The following RBFOX1 variants were observed in gnomAD, a reference collection of about 807,000 sequenced individuals.
RBFOX1 encodes RNA binding fox-1 homolog 1, also known as RNA binding protein fox-1 homolog 1.
RBFOX1 carries 8 observed loss-of-function variants against 57.7 expected under a neutral mutation model. The observed-to-expected ratio is 0.14, with a 90% CI of 0.08 to 0.25. The LOEUF (loss-of-function observed/expected upper bound fraction) is 0.25, where lower values mean the gene tolerates loss of function less well. Ranked by LOEUF, RBFOX1 falls within the 10% of genes least tolerant of loss-of-function variation. The pLI is 1.00. For missense variants in RBFOX1, 611 were observed against 548.5 expected (o/e 1.11, Z -1.14); for synonymous variants, 326 against 222.4 (o/e 1.47, Z -4.15).
At chr16:5,421,603 A>G (rs981001460) in intron 1 of RBFOX1, among the ~76,000 whole-genome samples, 2 of 152,084 alleles carry the variant, frequency 1.3e-5, no homozygotes, top group African/African-American at 4.8e-5. Context: ...CCAAGAAGAA[A>G]ATCAATCACC....
intron 3 of RBFOX1, among the ~76,000 whole-genome samples, chr16:6,780,755 C>A (rs1402581300): frequency 6.6e-6 from 1 of 151,380 alleles, no homozygotes; most frequent in Non-Finnish European, 1.5e-5. Flanking sequence ...TGACGTTGAG[C>A]ATTTTTCCGC....
chr16:7,380,227 G>C (rs948743716), intron 4 of RBFOX1, among the ~76,000 whole-genome samples: 6 of 152,088 alleles, frequency 3.9e-5, no homozygotes, highest in African/African-American at 1.4e-4. Flanking sequence ...AGTCAGAAAT[G>C]CTCAGAGTTT....
chr16:6,174,062 T>C (rs1409271671), intron 1 of RBFOX1, among the ~76,000 whole-genome samples: 1 of 152,200 alleles, frequency 6.6e-6, no homozygotes, highest in Non-Finnish European at 1.5e-5. Flanking sequence ...TATACTTTTT[T>C]ATTCCCTTGA....
intron 5 of RBFOX1, among the ~76,000 whole-genome samples, chr16:7,540,635 G>A (rs2082668954): frequency 1.3e-5 from 2 of 152,128 alleles, no homozygotes; most frequent in Non-Finnish European, 2.9e-5. Flanking sequence ...AAAGATGTCC[G>A]TAAACCTGCT....
intron 4 of RBFOX1, among the ~76,000 whole-genome samples, chr16:7,271,960 C>G (rs1162296811): frequency 6.6e-6 from 1 of 152,148 alleles, no homozygotes; most frequent in Non-Finnish European, 1.5e-5. Flanking sequence ...TCTGTGGTAT[C>G]ACCACCTATT....
intron 1 of RBFOX1, among the ~76,000 whole-genome samples, chr16:5,284,736 G>T (rs1021786656): frequency 9.9e-6 from 1 of 100,612 alleles, no homozygotes; most frequent in African/African-American, 3.7e-5. Flanking sequence ...GCTTTGCTGG[G>T]TATAGTAGTT....
chr16:6,133,963 G>T (rs1364213995), intron 1 of RBFOX1, among the ~76,000 whole-genome samples: 2 of 150,970 alleles, frequency 1.3e-5, no homozygotes, highest in East Asian at 1.9e-4. Flanking sequence ...TGGAATTGGA[G>T]TCTCATTCTG....
At chr16:7,335,017 C>T (rs55914813) in intron 4 of RBFOX1, among the ~76,000 whole-genome samples, 10,714 of 152,268 alleles carry the variant, frequency 0.07, 468 homozygotes, top group South Asian at 0.13. Flanking sequence ...GGAAAGCTAA[C>T]ACACAGAGAG....
chr16:6,976,763 TA>T (rs200279327), intron 3 of RBFOX1, among the ~76,000 whole-genome samples: 5,253 of 136,230 alleles, frequency 0.039, 291 homozygotes, highest in African/African-American at 0.13. Flanking sequence ...CATACATATA[TA>T]TCGTATGACA....
chr16:5,725,385 A>T (rs975636442), intron 3 of RBFOX1, among the ~76,000 whole-genome samples: 1 of 152,096 alleles, frequency 6.6e-6, no homozygotes, highest in African/African-American at 2.4e-5. Context: ...CTGGAACTAC[A>T]GGCATGCACC....
intron 3 of RBFOX1, among the ~76,000 whole-genome samples, chr16:6,932,399 G>T (rs1003257701): frequency 3.3e-5 from 5 of 152,034 alleles, no homozygotes; most frequent in African/African-American, 9.7e-5. Context: ...GAGCCACCAT[G>T]CCCAGCCCAG....
chr16:7,388,210 T>G (rs1037999950), intron 4 of RBFOX1, among the ~76,000 whole-genome samples: 1 of 152,164 alleles, frequency 6.6e-6, no homozygotes, highest in Admixed American at 6.5e-5. Flanking sequence ...CTTGGCAGAG[T>G]TCTACAGACA....
intron 3 of RBFOX1, among the ~76,000 whole-genome samples, chr16:6,766,890 C>G (rs370244773): frequency 1.3e-5 from 2 of 152,034 alleles, no homozygotes; most frequent in African/African-American, 4.8e-5. Context: ...TAAAAAGATA[C>G]TCAGTCTGAG....
chr16:5,918,908 C>G (rs2058761886), intron 4 of RBFOX1, among the ~76,000 whole-genome samples: 1 of 152,118 alleles, frequency 6.6e-6, no homozygotes, highest in Non-Finnish European at 1.5e-5. Context: ...GGTCCAGCTC[C>G]AAGGAATGCT....
chr16:6,405,972 C>T (rs2093265986), intron 2 of RBFOX1, among the ~76,000 whole-genome samples: 1 of 152,208 alleles, frequency 6.6e-6, no homozygotes, highest in Non-Finnish European at 1.5e-5. Flanking sequence ...ACCTTGGATG[C>T]TCACATACTG....
At chr16:6,459,258 C>T (rs1038857448) in intron 2 of RBFOX1, among the ~76,000 whole-genome samples, 3 of 152,116 alleles carry the variant, frequency 2.0e-5, no homozygotes, top group Non-Finnish European at 4.4e-5. Context: ...ATGGCGTGAA[C>T]CCGGGAGGCA....
intron 4 of RBFOX1, among the ~76,000 whole-genome samples, chr16:7,298,213 C>T (rs751938469): frequency 4.2e-4 from 64 of 151,724 alleles, no homozygotes; most frequent in Non-Finnish European, 6.9e-4. Flanking sequence ...TTATAGTTGA[C>T]CCTTCAGCAA....
chr16:6,778,190 C>G (rs1338239433), intron 3 of RBFOX1, among the ~76,000 whole-genome samples: 1 of 152,100 alleles, frequency 6.6e-6, no homozygotes. Context: ...TCGATTAAAA[C>G]AATTCAGTCT....
intron 2 of RBFOX1, among the ~76,000 whole-genome samples, chr16:5,483,770 G>T (rs546608503): frequency 2.0e-5 from 3 of 152,314 alleles, no homozygotes; most frequent in East Asian, 3.9e-4. Flanking sequence ...AAGCTTAGCG[G>T]TTTAAAACAA....
Sources: gnomAD v4.1 joint callset for allele counts (sites outside exome capture counted in the v4.1 genomes callset) on GRCh38, gnomAD v4.1.1 for gene constraint, MANE v1.5 for transcripts, NCBI Gene and HGNC (gene_info 2026-07-23, HGNC 2026-07-21) for gene names.